PDE5A: variants seen among roughly 807,000 people sequenced by gnomAD.
PDE5A encodes cGMP-specific 3',5'-cyclic phosphodiesterase.
Under a neutral mutation model 110.2 loss-of-function variants are expected in PDE5A, and 67 were observed. The ratio of observed to expected loss-of-function variants is 0.61; its 90% CI spans 0.50 to 0.75. PDE5A has a LOEUF of 0.75. Among genes scored for constraint, PDE5A ranks in the 30% least tolerant of loss-of-function variants. PDE5A has a pLI of 0.00. For synonymous variants in PDE5A, 328 were observed against 351.2 expected (o/e 0.93, Z 0.74); for missense variants, 862 against 1,045.1 (o/e 0.82, Z 2.42).
At chr4:119,564,509 A>C (rs1366178710) in intron 5 of PDE5A, among the ~76,000 whole-genome samples, 1 of 152,110 alleles carries the variant, frequency 6.6e-6, no homozygotes, top group African/African-American at 2.4e-5. Context: ...CATAGGGCTA[A>C]ATAGTGTAGC....
chr4:119,512,718 C>G (rs1420288546), intron 14 of PDE5A: 1 of 152,094 alleles, frequency 6.6e-6, no homozygotes, highest in Non-Finnish European at 1.5e-5. Flanking sequence ...ATGCTGACCT[C>G]ATTTACTGAC....
intron 18 of PDE5A, among the ~76,000 whole-genome samples, chr4:119,503,951 AT>A (rs869052460): frequency 3.9e-4 from 53 of 137,496 alleles, no homozygotes; most frequent in African/African-American, 5.8e-4. Flanking sequence ...ACTTAAAAAA[AT>A]TTTTTTTATT....
chr4:119,555,428 T>C (rs537000411), intron 7 of PDE5A, among the ~76,000 whole-genome samples: 2 of 152,204 alleles, frequency 1.3e-5, no homozygotes, highest in African/African-American at 4.8e-5. Context: ...GTTATATAAA[T>C]GCAGGGTTTA....
At chr4:119,579,795 C>CA (rs1201865490) in intron 3 of PDE5A, among the ~76,000 whole-genome samples, 1 of 151,396 alleles carries the variant, frequency 6.6e-6, no homozygotes, top group African/African-American at 2.4e-5. Context: ...ACATATGTAA[C>CA]TAACCTGCAT....
At chr4:119,529,002 A>G (rs1294349463) in intron 11 of PDE5A, among the ~76,000 whole-genome samples, 1 of 152,108 alleles carries the variant, frequency 6.6e-6, no homozygotes, top group East Asian at 1.9e-4. Flanking sequence ...TAAATGGAGG[A>G]CACTAGCCTC....
chr4:119,500,279 T>C (rs1207778983), intron 20 of PDE5A: 6 of 145,754 alleles, frequency 4.1e-5, no homozygotes, highest in South Asian at 2.1e-4. Flanking sequence ...TTTTTTTTTT[T>C]CTCCATGGTT....
At chr4:119,523,105 T>C (rs1311787798) in intron 12 of PDE5A, among the ~76,000 whole-genome samples, 1 of 152,114 alleles carries the variant, frequency 6.6e-6, no homozygotes, top group African/African-American at 2.4e-5. Context: ...TGAAGCAGCA[T>C]GAAGTCAAGC....
At chr4:119,518,419 T>A (rs759513932) in intron 14 of PDE5A, among the ~76,000 whole-genome samples, 4 of 152,194 alleles carry the variant, frequency 2.6e-5, no homozygotes, top group African/African-American at 4.8e-5. Context: ...ACGGATAGTG[T>A]CTCACTCTCA....
rs1727340504 is a variant in PDE5A at position 119,551,148 on chromosome 4, T to TCA, written c.1396+1400_1396+1401dup. On this transcript the variant is annotated intron_variant, in intron 9 of 20. Transcript: ENST00000354960. ...CATACTGAAGACTGCTGGGGTGGAG[T>TCA]CACAGTAACTAAGTTGACAAGACTG... is the stretch of plus-strand genomic sequence containing the variant. Among the ~76,000 whole-genome samples, 3 of 151,840 alleles carry TCA rather than the reference T, an allele frequency of 2.0e-5. No individual in the cohort carries two copies. In the South Asian group the frequency reaches 6.2e-4, roughly 32 times the overall value.
chr4:119,599,297 T>C (rs1388308562), intron 2 of PDE5A, among the ~76,000 whole-genome samples: 1 of 151,922 alleles, frequency 6.6e-6, no homozygotes, highest in Non-Finnish European at 1.5e-5. Context: ...TCACCACATA[T>C]GTAAAGAAAC....
chr4:119,566,871 T>C (rs1578782596), intron 4 of PDE5A, among the ~76,000 whole-genome samples: 1 of 152,210 alleles, frequency 6.6e-6, no homozygotes, highest in East Asian at 1.9e-4. Flanking sequence ...TGGGGGTTTC[T>C]GCTGACTGAA....
At chr4:119,505,979 T>A in intron 16 of PDE5A, 47 bp from the exon 17 acceptor site, 1 of 1,057,310 alleles carries the variant, frequency 9.5e-7, no homozygotes, top group South Asian at 1.6e-5. Flanking sequence ...GTACCCAGGG[T>A]CTTATCCCTT....
chr4:119,527,474 G>A (rs1726368575), intron 11 of PDE5A, among the ~76,000 whole-genome samples: 1 of 152,124 alleles, frequency 6.6e-6, no homozygotes, highest in African/African-American at 2.4e-5. Context: ...CATCACAAGA[G>A]AATTCAACTT....
intron 3 of PDE5A, among the ~76,000 whole-genome samples, chr4:119,583,760 G>T (rs1482527147): frequency 6.6e-6 from 1 of 152,198 alleles, no homozygotes; most frequent in South Asian, 2.1e-4. Context: ...GAAAGCTTTG[G>T]TGAAGTATGT....
At chr4:119,620,931 G>C (rs1219801848) in intron 1 of PDE5A, among the ~76,000 whole-genome samples, 1 of 152,136 alleles carries the variant, frequency 6.6e-6, no homozygotes, top group African/African-American at 2.4e-5. Context: ...AATCATTATA[G>C]GCCAAATTGT....
At chr4:119,582,106 TG>T (rs1288683144) in intron 3 of PDE5A, among the ~76,000 whole-genome samples, 1 of 152,218 alleles carries the variant, frequency 6.6e-6, no homozygotes, top group Non-Finnish European at 1.5e-5. Flanking sequence ...CTGTAGCATG[TG>T]ATGCTGTTTG....
intron 3 of PDE5A, among the ~76,000 whole-genome samples, chr4:119,581,304 T>C (rs1231673353): frequency 2.0e-5 from 3 of 152,220 alleles, no homozygotes; most frequent in Admixed American, 2.0e-4. Context: ...GAATGCCTTC[T>C]TTACTAGAGC....
At chr4:119,500,382 G>GGACT (rs1725260027) in intron 20 of PDE5A, 1 of 150,920 alleles carries the variant, frequency 6.6e-6, no homozygotes, top group East Asian at 2.0e-4. Flanking sequence ...AGTGAGAACT[G>GGACT]GACTGTAGAT....
At chr4:119,625,825 A>G (rs1410830404) in intron 1 of PDE5A, among the ~76,000 whole-genome samples, 1 of 152,134 alleles carries the variant, frequency 6.6e-6, no homozygotes, top group Non-Finnish European at 1.5e-5. Flanking sequence ...TTGCATTTTT[A>G]TAATCAACAA....
Sources: allele counts gnomAD v4.1 joint callset (sites outside exome capture counted in the v4.1 genomes callset), GRCh38; gene constraint gnomAD v4.1.1; transcripts MANE v1.5; gene names NCBI Gene and HGNC (gene_info 2026-07-23, HGNC 2026-07-21).